The following AGBL1 variants were observed in gnomAD, a reference collection of about 807,000 sequenced individuals.
AGBL1 encodes the protein cytosolic carboxypeptidase 4.
AGBL1 carries 130 observed loss-of-function variants against 118.9 expected under a neutral mutation model. That is an observed-to-expected ratio of 1.09 (90% CI 0.95 to 1.26). The LOEUF is 1.26. Ranked by LOEUF, AGBL1 falls within the 50% of genes most tolerant of loss-of-function variation. AGBL1 has a pLI of 0.00. For synonymous variants in AGBL1, 555 were observed against 478.9 expected (o/e 1.16, Z -2.08); for missense variants, 1,584 against 1,298.1 (o/e 1.22, Z -3.38).
At chr15:86,392,505 A>G (rs1354864942) in intron 17 of AGBL1, among the ~76,000 whole-genome samples, 2 of 152,198 alleles carry the variant, frequency 1.3e-5, no homozygotes, top group African/African-American at 4.8e-5. Context: ...GCAAAAAACC[A>G]TTATTTATCT....
intron 23 of AGBL1, among the ~76,000 whole-genome samples, chr15:86,969,296 C>T (rs2081084134): frequency 6.6e-6 from 1 of 151,938 alleles, no homozygotes; most frequent in Non-Finnish European, 1.5e-5. Context: ...CACAATCATT[C>T]AGACCTCAGG....
intron 22 of AGBL1, among the ~76,000 whole-genome samples, chr15:86,828,415 C>G (rs1489043594): frequency 6.9e-6 from 1 of 145,566 alleles, no homozygotes; most frequent in Non-Finnish European, 1.5e-5. Flanking sequence ...GGAAGATTAT[C>G]CTGAATTATC....
intron 22 of AGBL1, among the ~76,000 whole-genome samples, chr15:86,860,563 A>G (rs973546936): frequency 1.3e-5 from 2 of 152,150 alleles, no homozygotes; most frequent in African/African-American, 2.4e-5. Context: ...AATGTTTTAC[A>G]CTGCCATCCA....
In AGBL1 at chr15:86,894,713, C is replaced by T. The variant is rs111448453; in HGVS notation, c.3159-12374C>T. ...GTGAAACCAGTAGGAGGCCACCACA[C>T]ACAGAATTGCTTCTTACCACTGCCA... is the stretch of plus-strand genomic sequence containing the variant. On this transcript the variant is annotated intron_variant, in intron 22 of 22. Transcript: ENST00000614907. Among the ~76,000 whole-genome samples, 6 of 152,260 alleles carry T rather than the reference C, an allele frequency of 3.9e-5. 2 individuals are homozygous for T. The highest frequency in any genetic ancestry group is 1.2e-4 in the African/African-American group (5 of 41,568).
intron 24 of AGBL1, among the ~76,000 whole-genome samples, chr15:87,000,321 G>A: frequency 9.8e-6 from 1 of 101,748 alleles, no homozygotes; most frequent in Non-Finnish European, 2.1e-5. Flanking sequence ...GTCCTGAATG[G>A]TAATGCCTAG....
intron 10 of AGBL1, among the ~76,000 whole-genome samples, chr15:86,263,805 G>A (rs2079030123): frequency 6.6e-6 from 1 of 152,164 alleles, no homozygotes; most frequent in Non-Finnish European, 1.5e-5. Context: ...AAGGGTATAA[G>A]CTAAGTCATG....
chr15:86,933,299 A>G (rs1414412861), intron 23 of AGBL1, among the ~76,000 whole-genome samples: 1 of 152,194 alleles, frequency 6.6e-6, no homozygotes, highest in Non-Finnish European at 1.5e-5. Context: ...AGCAAGGATG[A>G]TAATAGTCCC....
intron 22 of AGBL1, among the ~76,000 whole-genome samples, chr15:86,806,871 A>G (rs1264883112): frequency 6.6e-6 from 1 of 151,814 alleles, no homozygotes; most frequent in Non-Finnish European, 1.5e-5. Context: ...ATTCTATTGT[A>G]CTGTGTTATA....
intron 21 of AGBL1, among the ~76,000 whole-genome samples, chr15:86,617,759 C>T (rs919300932): frequency 1.1e-4 from 9 of 79,716 alleles, no homozygotes; most frequent in Admixed American, 6.2e-4. Flanking sequence ...CAACTTTATG[C>T]GCACACACAC....
intron 21 of AGBL1, among the ~76,000 whole-genome samples, chr15:86,591,196 G>A (rs1437922694): frequency 1.3e-5 from 2 of 152,046 alleles, no homozygotes; most frequent in Non-Finnish European, 2.9e-5. Flanking sequence ...GTACCTCTGA[G>A]GAGAAAAAAT....
chr15:86,740,900 C>G lies in AGBL1; in HGVS notation c.3158+66464C>G, dbSNP rs139587968. On this transcript the variant is annotated intron_variant, in intron 22 of 22. Coordinates refer to ENST00000614907, the MANE Select transcript of AGBL1 (RefSeq NM_001386094.1). The stretch of plus-strand genomic sequence containing the variant: ...TTGATAACTGGAATGCCGCAGGATC[C>G]AGAGGTGAGATCCCCTCCATCCCTC... 3.9e-3 allele frequency among the ~76,000 whole-genome samples: 595 copies of G among 152,182 alleles called. 6 individuals carry two copies. Among genetic ancestry groups the G allele is most frequent in the Middle Eastern group, 6.8e-3 (2 of 294 alleles).
rs528406224 is a variant in AGBL1, at chr15:86,337,631, C to T, written c.2374+42223C>T. On this transcript the variant is annotated intron_variant, in intron 17 of 22. Transcript: ENST00000614907. ...ACAGAAAACCAAACACCACATGTTCCGACTTATAAGTGGGAGCTGAACAAT... is the reference window on the plus strand; with the variant it reads ...ACAGAAAACCAAACACCACATGTTCTGACTTATAAGTGGGAGCTGAACAAT... 4.1e-4 allele frequency among the ~76,000 whole-genome samples: 63 copies of T among 152,122 alleles called. 1 individual carries two copies. In the South Asian group the frequency reaches 0.011, roughly 28 times the overall value.
intron 6 of AGBL1, among the ~76,000 whole-genome samples, chr15:86,228,834 A>G (rs2078408970): frequency 6.6e-6 from 1 of 152,238 alleles, no homozygotes; most frequent in Admixed American, 6.5e-5. Context: ...CAGGCAAAAT[A>G]AACCTGGAAA....
intron 5 of AGBL1, among the ~76,000 whole-genome samples, chr15:86,168,892 T>C (rs935339652): frequency 1.3e-5 from 2 of 152,230 alleles, no homozygotes; most frequent in African/African-American, 4.8e-5. Context: ...AGTTTCTCTG[T>C]TTTTTATTTC....
At chr15:86,262,109 A>G (rs530819179) in intron 9 of AGBL1, among the ~76,000 whole-genome samples, 9 of 24,558 alleles carry the variant, frequency 3.7e-4, no homozygotes, top group African/African-American at 1.0e-3. Context: ...TTTAGGTCTC[A>G]GTTAAAACTT....
rs151121869 is a variant in AGBL1 at position 86,145,085 on chromosome 15, G to T, written c.262+1240G>T. 2.6e-3 allele frequency among the ~76,000 whole-genome samples: 390 copies of T among 152,288 alleles called. 3 individuals carry two copies. Among genetic ancestry groups the T allele is most frequent in the African/African-American group, 8.3e-3 (344 of 41,554 alleles). On this transcript the variant is annotated intron_variant, in intron 3 of 22. Transcript: ENST00000614907. Reference sequence around the variant, plus strand: ...ATCTCTGCCTCCATCTTCACGTGCTGTTCTCCTCTGTATCATTTCCTCTTT... The same window carrying T: ...ATCTCTGCCTCCATCTTCACGTGCTTTTCTCCTCTGTATCATTTCCTCTTT...
chr15:86,833,104 C>T (rs2079127851), intron 22 of AGBL1, among the ~76,000 whole-genome samples: 1 of 152,092 alleles, frequency 6.6e-6, no homozygotes, highest in Admixed American at 6.5e-5. Context: ...AAAAGACCCG[C>T]CCCCATGATT....
chr15:86,890,804 G>A (rs879781563), intron 22 of AGBL1, among the ~76,000 whole-genome samples: 1 of 152,166 alleles, frequency 6.6e-6, no homozygotes, highest in Non-Finnish European at 1.5e-5. Flanking sequence ...TTGTAGTATA[G>A]TTTGAAGTCA....
chr15:86,644,033 T>G (rs1025727260), intron 21 of AGBL1, among the ~76,000 whole-genome samples: 1 of 152,158 alleles, frequency 6.6e-6, no homozygotes, highest in African/African-American at 2.4e-5. Flanking sequence ...TTTTAAACTA[T>G]TCTTTGGAGA....
Sources: gnomAD v4.1 joint callset for allele counts (sites outside exome capture counted in the v4.1 genomes callset) on GRCh38, gnomAD v4.1.1 for gene constraint, MANE v1.5 for transcripts, NCBI Gene and HGNC (gene_info 2026-07-23, HGNC 2026-07-21) for gene names.